The following TACC2 variants were observed in gnomAD, a reference collection of about 807,000 sequenced individuals.
TACC2 encodes the protein transforming acidic coiled-coil-containing protein 2.
Under a neutral mutation model 227.3 loss-of-function variants are expected in TACC2, and 137 were observed. That is an observed-to-expected ratio of 0.60 (90% CI 0.52 to 0.69). The LOEUF is 0.69. Ranked by LOEUF, TACC2 falls within the 30% of genes least tolerant of loss-of-function variation. The pLI is 0.00. For missense variants in TACC2, 3,470 were observed against 3,694.4 expected (o/e 0.94, Z 1.57); for synonymous variants, 1,523 against 1,487.5 (o/e 1.02, Z -0.55).
intron 5 of TACC2, among the ~76,000 whole-genome samples, chr10:122,096,662 C>T (rs2081465492): frequency 1.3e-5 from 2 of 149,790 alleles, no homozygotes; most frequent in African/African-American, 4.9e-5. Context: ...CGCCATTGCA[C>T]TCCAGCCTGG....
intron 1 of TACC2, among the ~76,000 whole-genome samples, chr10:122,013,493 T>C (rs3750841): frequency 0.46 from 69,471 of 151,988 alleles, 16,047 homozygotes; most frequent in South Asian, 0.62. Context: ...ATTCAGTCAC[T>C]GGAGAAAGAA....
Position 122,087,711 on chromosome 10 carries a change from A to T in TACC2, c.5211A>T (p.Ala1737=). ...AGTTRTFSVV[A]GDLVLPGSCQ... is the part of the protein sequence containing the mutation. Reference sequence around the variant, plus strand: ...CTACGAGGACATTCTCCGTTGTGGCAGGTGACTTGGTGCTGCCAGGAAGCT... The same window carrying T: ...CTACGAGGACATTCTCCGTTGTGGCTGGTGACTTGGTGCTGCCAGGAAGCT... Residue 1737 remains alanine (A), a synonymous_variant, in exon 4 of 23, where the codon GCA becomes GCT. Transcript: ENST00000369005. The T allele has an allele frequency of 1.9e-6, 3 of 1,612,864 alleles. No homozygotes were observed. Among genetic ancestry groups the T allele is most frequent in the Non-Finnish European group, 2.5e-6 (3 of 1,179,834 alleles).
At chr10:122,070,677 C>G (rs1482829087) in intron 3 of TACC2, among the ~76,000 whole-genome samples, 8 of 145,434 alleles carry the variant, frequency 5.5e-5, no homozygotes. Context: ...CACTTGAACC[C>G]GGGAGGTAGA....
chr10:122,114,599 G>A (rs974749874), intron 5 of TACC2, among the ~76,000 whole-genome samples: 2 of 152,172 alleles, frequency 1.3e-5, no homozygotes, highest in African/African-American at 4.8e-5. Flanking sequence ...CTAATTCTCC[G>A]GGAAGGAAAT....
chr10:122,162,246 G>A (rs1004251500), intron 7 of TACC2, among the ~76,000 whole-genome samples: 8 of 152,324 alleles, frequency 5.3e-5, no homozygotes, highest in East Asian at 1.9e-4. Flanking sequence ...GTCAGTCCCC[G>A]TGAAGCTCTG....
chr10:122,209,500 C>T lies in TACC2; in HGVS notation c.5972-897C>T, dbSNP rs2095235935. Among the ~76,000 whole-genome samples the T allele has an allele frequency of 6.6e-6, 1 of 152,222 alleles. No homozygotes were observed. The highest frequency in any genetic ancestry group is 1.5e-5 in the Non-Finnish European group (1 of 68,052). On this transcript the variant is annotated intron_variant, in intron 8 of 22. Transcript: ENST00000369005. This position sits in a 1 kb window ranked among gnomAD's most constrained non-coding sequence, Gnocchi z 4.5. Reference sequence around the variant, plus strand: ...TCCTGCCGCAGAGCCTTTACTCGCACTATTCCTTCTACCCAGGATGCTTCC... The same window carrying T: ...TCCTGCCGCAGAGCCTTTACTCGCATTATTCCTTCTACCCAGGATGCTTCC...
chr10:122,072,159 G>A (rs1304958921), intron 3 of TACC2, among the ~76,000 whole-genome samples: 1 of 151,620 alleles, frequency 6.6e-6, no homozygotes, highest in African/African-American at 2.4e-5. Context: ...TTGTATTTTA[G>A]TTAACCAGGA....
chr10:122,201,939 C>T (rs2094872571), intron 8 of TACC2, among the ~76,000 whole-genome samples: 2 of 151,742 alleles, frequency 1.3e-5, no homozygotes, highest in South Asian at 4.2e-4. Flanking sequence ...TTTTATGACT[C>T]TGCGCTCTTT....
At chr10:122,159,757 T>C (rs1435092140) in intron 7 of TACC2, among the ~76,000 whole-genome samples, 1 of 152,156 alleles carries the variant, frequency 6.6e-6, no homozygotes, top group Non-Finnish European at 1.5e-5. Flanking sequence ...GTGTTTACAT[T>C]CTTAGCTCCT....
rs975388888 is a variant in TACC2, at chr10:122,150,001, G to A, written c.5834+6295G>A. Reference sequence around the variant, plus strand: ...AGTCTCCGAAATGTGAGCTGCCGCGGAGTGGGTGCTGGGCTGTCCCGCTGG... The same window carrying A: ...AGTCTCCGAAATGTGAGCTGCCGCGAAGTGGGTGCTGGGCTGTCCCGCTGG... On this transcript the variant is annotated intron_variant, in intron 7 of 22. Coordinates refer to ENST00000369005, the MANE Select transcript of TACC2 (RefSeq NM_206862.4). This position sits in a 1 kb window ranked among gnomAD's most constrained non-coding sequence, Gnocchi z 4.0. Among the ~76,000 whole-genome samples the A allele has an allele frequency of 6.6e-6, 1 of 152,250 alleles. No individual in the cohort carries two copies. The highest frequency in any genetic ancestry group is 6.5e-5 in the Admixed American group (1 of 15,292).
intron 3 of TACC2, among the ~76,000 whole-genome samples, chr10:122,055,777 G>T (rs2076159191): frequency 6.6e-6 from 1 of 152,214 alleles, no homozygotes; most frequent in Admixed American, 6.5e-5. Flanking sequence ...TGGGAATTTT[G>T]GTATTACGAT....
At chr10:122,208,258 A>G (rs145158794) in intron 8 of TACC2, among the ~76,000 whole-genome samples, 9 of 152,304 alleles carry the variant, frequency 5.9e-5, no homozygotes, top group African/African-American at 1.9e-4. Flanking sequence ...GATGCTTTCA[A>G]TCCAAGCGTT....
intron 8 of TACC2, among the ~76,000 whole-genome samples, chr10:122,206,105 G>A (rs1404728016): frequency 6.6e-6 from 1 of 152,140 alleles, no homozygotes; most frequent in African/African-American, 2.4e-5. Context: ...GGGAAAGAGG[G>A]GAGGATGGAG....
At chr10:122,097,914 C>T (rs2081642728) in intron 5 of TACC2, among the ~76,000 whole-genome samples, 2 of 152,138 alleles carry the variant, frequency 1.3e-5, no homozygotes, top group African/African-American at 2.4e-5. Flanking sequence ...CAAATGTGCA[C>T]CCAAGCCAGG....
intron 7 of TACC2, among the ~76,000 whole-genome samples, chr10:122,149,932 G>A (rs967166314): frequency 1.3e-5 from 2 of 152,204 alleles, no homozygotes; most frequent in Non-Finnish European, 2.9e-5. Context: ...GTCACCGGCC[G>A]GTGAGACGCG....
In TACC2 at chr10:122,083,648, C is replaced by T. The variant is rs202181318; in HGVS notation, c.1148C>T (p.Thr383Ile). 6.2e-7 allele frequency: 1 copy of T among 1,611,342 alleles called. No individual in the cohort carries two copies. Among genetic ancestry groups the T allele is most frequent in the East Asian group, 2.2e-5 (1 of 44,878 alleles). ...CACCCACAGACAGGGATGCGAGGAACCAAGCCCAATCAAGTTGTCTGTGTG... is the reference window on the plus strand; with the variant it reads ...CACCCACAGACAGGGATGCGAGGAATCAAGCCCAATCAAGTTGTCTGTGTG... Reference protein sequence around the residue: ...QGHPQTGMRGTKPNQVVCVAA... With the variant: ...QGHPQTGMRGIKPNQVVCVAA... The change falls in exon 4 of 23, where the codon ACC becomes ATC. Residue 383 changes from threonine to isoleucine, a missense_variant. Physicochemically the swap from Thr to Ile is moderately conservative, Grantham distance 89. Transcript: ENST00000369005.
chr10:122,134,122 G>C (rs910844453), intron 6 of TACC2, among the ~76,000 whole-genome samples: 2 of 152,042 alleles, frequency 1.3e-5, no homozygotes, highest in African/African-American at 4.8e-5. Context: ...GCCATGCAAT[G>C]ATGTGGAAAT....
chr10:122,219,008 A>G (rs2095468463), intron 11 of TACC2, among the ~76,000 whole-genome samples: 1 of 112,696 alleles, frequency 8.9e-6, no homozygotes. Flanking sequence ...GGTGACAGTG[A>G]GACTCGTCTC....
intron 7 of TACC2, chr10:122,192,559 T>C (rs1412170023): frequency 1.0e-5 from 4 of 396,972 alleles, no homozygotes; most frequent in African/African-American, 8.2e-5. Context: ...GCTCACAGCA[T>C]CTGTGGCCGG....
Sources: allele counts gnomAD v4.1 joint callset (sites outside exome capture counted in the v4.1 genomes callset), GRCh38; gene constraint gnomAD v4.1.1; non-coding constraint Gnocchi (gnomAD v3.1); transcripts MANE v1.5; gene names NCBI Gene and HGNC (gene_info 2026-07-23, HGNC 2026-07-21).